The following ELAVL2 variants were observed in gnomAD, a reference collection of about 807,000 sequenced individuals.
ELAVL2 encodes the protein ELAV-like protein 2.
In ELAVL2, 4 loss-of-function variants were observed where a neutral mutation model predicts 34.6. The ratio of observed to expected loss-of-function variants is 0.12; its 90% CI spans 0.06 to 0.26. The LOEUF is 0.26. Ranked by LOEUF, ELAVL2 falls within the 10% of genes least tolerant of loss-of-function variation. The probability of loss-of-function intolerance (pLI) is 1.00; values close to 1 mark genes in which losing one functional copy is unlikely to be tolerated. For missense variants in ELAVL2, 432 were observed against 442.8 expected, an observed-to-expected ratio of 0.98 and a Z score of 0.22; for synonymous variants, 193 against 154.8, an observed-to-expected ratio of 1.25 and a Z score of -1.83.
In ELAVL2 at chr9:23,824,925, T is replaced by A. The variant is rs941867729; in HGVS notation, c.-16+881A>T. ...GCGAAGCCTCGCGGCTGCAGAGGGG[T>A]TCCCCCTCTCCCCGAAGGCGAAGTC... is the stretch of plus-strand genomic sequence containing the variant. On this transcript the variant is annotated intron_variant, in intron 1 of 6. Transcript: ENST00000397312. 3.3e-5 allele frequency among the ~76,000 whole-genome samples: 5 copies of A among 151,654 alleles called. No individual in the cohort carries two copies. The South Asian group carries it at 1.0e-3, about 32-fold the overall frequency.
At chr9:23,797,278 A>T (rs1440229759) in intron 1 of ELAVL2, among the ~76,000 whole-genome samples, 1 of 152,244 alleles carries the variant, frequency 6.6e-6, no homozygotes, top group Non-Finnish European at 1.5e-5. Context: ...AAATACAACC[A>T]GTAAAGGCAC....
At chr9:23,745,756 G>C (rs2050328103) in intron 2 of ELAVL2, among the ~76,000 whole-genome samples, 1 of 152,154 alleles carries the variant, frequency 6.6e-6, no homozygotes, top group East Asian at 1.9e-4. Context: ...TAAATAAGCA[G>C]AGGAGATAAA....
chr9:23,801,856 A>T (rs1273911053), intron 1 of ELAVL2, among the ~76,000 whole-genome samples: 2 of 152,328 alleles, frequency 1.3e-5, no homozygotes, highest in East Asian at 3.9e-4. Context: ...GGACTCCCAC[A>T]GAGTTTTCTT....
intron 2 of ELAVL2, among the ~76,000 whole-genome samples, chr9:23,743,439 G>C (rs898742261): frequency 1.3e-5 from 2 of 152,072 alleles, no homozygotes; most frequent in South Asian, 2.1e-4. Context: ...ATTTTACCTA[G>C]ACAATGATTC....
At chr9:23,722,892 G>A (rs916400828) in intron 3 of ELAVL2, among the ~76,000 whole-genome samples, 1 of 152,204 alleles carries the variant, frequency 6.6e-6, no homozygotes, top group South Asian at 2.1e-4. Context: ...TTCTTGGGAA[G>A]TTAACACAAT....
At chr9:23,788,294 G>T (rs2059935323) in intron 1 of ELAVL2, among the ~76,000 whole-genome samples, 1 of 152,144 alleles carries the variant, frequency 6.6e-6, no homozygotes, top group South Asian at 2.1e-4. Flanking sequence ...ATCCCTTCTA[G>T]CATTTGCCAT....
chr9:23,708,622 T>C (rs889475342), intron 3 of ELAVL2, among the ~76,000 whole-genome samples: 4 of 152,218 alleles, frequency 2.6e-5, no homozygotes, highest in African/African-American at 9.6e-5. Flanking sequence ...AGGATGTTGC[T>C]AGAAATTAGT....
chr9:23,830,574 T>C (rs770688222), upstream of ELAVL2, among the ~76,000 whole-genome samples: 21 of 135,948 alleles, frequency 1.5e-4, no homozygotes, highest in Non-Finnish European at 2.9e-4. Context: ...CCAGCCTAGG[T>C]TGGTTCTCCC....
chr9:23,783,463 G>C (rs2059323363), intron 1 of ELAVL2: 1 of 985,298 alleles, frequency 1.0e-6, no homozygotes, highest in Non-Finnish European at 1.2e-6. Flanking sequence ...AAGTGGCCAT[G>C]CACTAACCTG....
At chr9:23,833,115 C>A in the ELAVL2 span, among the ~76,000 whole-genome samples, 1 of 151,600 alleles carries the variant, frequency 6.6e-6, no homozygotes, top group Admixed American at 6.6e-5. Context: ...CTTTGTGTAT[C>A]CTTTAATGAG....
chr9:23,772,694 A>G (rs1350618681), intron 1 of ELAVL2, among the ~76,000 whole-genome samples: 3 of 152,160 alleles, frequency 2.0e-5, no homozygotes, highest in African/African-American at 7.2e-5. Context: ...AAGGAGTCTA[A>G]AAACCTTGAT....
At chr9:23,748,195 G>A (rs2050985189) in intron 2 of ELAVL2, among the ~76,000 whole-genome samples, 1 of 151,554 alleles carries the variant, frequency 6.6e-6, no homozygotes, top group Admixed American at 6.6e-5. Context: ...GAGTACTAGG[G>A]AAGGGGGAGA....
At chr9:23,726,323 A>G (rs1387701390) in intron 3 of ELAVL2, among the ~76,000 whole-genome samples, 1 of 152,114 alleles carries the variant, frequency 6.6e-6, no homozygotes, top group Non-Finnish European at 1.5e-5. Context: ...AAATTTCATG[A>G]TTGTATACCA....
chr9:23,840,341 G>T, the ELAVL2 span, among the ~76,000 whole-genome samples: 5 of 152,214 alleles, frequency 3.3e-5, no homozygotes, highest in South Asian at 1.0e-3. Flanking sequence ...AAGTACAGAT[G>T]CCTCCCCTTT....
intron 2 of ELAVL2, among the ~76,000 whole-genome samples, chr9:23,739,557 A>C (rs552944983): frequency 9.9e-5 from 14 of 141,412 alleles, no homozygotes; most frequent in Admixed American, 3.6e-4. Flanking sequence ...CCCCACCCCC[A>C]CACACACTAA....
intron 2 of ELAVL2, among the ~76,000 whole-genome samples, chr9:23,739,318 T>C (rs957008411): frequency 1.3e-5 from 2 of 152,130 alleles, no homozygotes; most frequent in East Asian, 1.9e-4. Flanking sequence ...CTCTAAAAGA[T>C]AGGTCAGCAG....
At chr9:23,768,856 A>C (rs1564373639) in intron 1 of ELAVL2, among the ~76,000 whole-genome samples, 1 of 152,184 alleles carries the variant, frequency 6.6e-6, no homozygotes, top group Admixed American at 6.5e-5. Context: ...AGGCATTTAG[A>C]AGCACATCAT....
chr9:23,814,182 T>A (rs963935300), intron 1 of ELAVL2, among the ~76,000 whole-genome samples: 9 of 152,208 alleles, frequency 5.9e-5, no homozygotes, highest in African/African-American at 1.7e-4. Flanking sequence ...TCAGGACCTG[T>A]GGCACAAATA....
intron 4 of ELAVL2, among the ~76,000 whole-genome samples, chr9:23,702,081 T>C (rs1229221521): frequency 1.3e-5 from 2 of 152,166 alleles, no homozygotes; most frequent in Non-Finnish European, 1.5e-5. Context: ...TAAAAATACA[T>C]ACACTGTGGT....
Sources: allele counts gnomAD v4.1 joint callset (sites outside exome capture counted in the v4.1 genomes callset), GRCh38; gene constraint gnomAD v4.1.1; transcripts MANE v1.5; gene names NCBI Gene and HGNC (gene_info 2026-07-23, HGNC 2026-07-21).